QKI: variants seen among roughly 807,000 people sequenced by gnomAD.
QKI encodes KH domain-containing RNA-binding protein QKI.
Under a neutral mutation model 39.0 loss-of-function variants are expected in QKI, and 10 were observed. The observed-to-expected ratio is 0.26, with a 90% CI of 0.16 to 0.43. The LOEUF (loss-of-function observed/expected upper bound fraction) is 0.43. Ranked by LOEUF, QKI falls within the 20% of genes least tolerant of loss-of-function variation. The probability of loss-of-function intolerance (pLI) is 1.00; values close to 1 mark genes in which losing one functional copy is unlikely to be tolerated. For synonymous variants in QKI, 204 were observed against 155.4 expected (o/e 1.31, Z -2.33); for missense variants, 218 against 428.0 (o/e 0.51, Z 4.33).
Position 163,476,735 on chromosome 6 carries a change from G to A in QKI, c.286-2045G>A, listed in dbSNP as rs572615900. On this transcript the variant is annotated intron_variant, in intron 2 of 7. Transcript: ENST00000361752. ...TGTCCAGTCTCTCTGGAGTTCTGTA[G>A]GGCAAGTTTGCTGCTGATCACATCT... Among the ~76,000 whole-genome samples the A allele has an allele frequency of 1.4e-3, 207 of 152,248 alleles. 1 individual carries two copies. Among genetic ancestry groups the A allele is most frequent in the African/African-American group, 4.8e-3 (201 of 41,526 alleles).
At chr6:163,430,415 TTATCTG>T (rs1246018783) in intron 1 of QKI, among the ~76,000 whole-genome samples, 1 of 152,164 alleles carries the variant, frequency 6.6e-6, no homozygotes, top group African/African-American at 2.4e-5. Flanking sequence ...TAACTATTGT[TTATCTG>T]TATGCTTAAT....
chr6:163,549,870 CT>C (rs35084088), intron 4 of QKI, among the ~76,000 whole-genome samples: 1 of 152,156 alleles, frequency 6.6e-6, no homozygotes, highest in East Asian at 1.9e-4. Context: ...TAACACACTA[CT>C]TTTTTAACAG....
chr6:163,459,015 G>A (rs1791147023), intron 2 of QKI, among the ~76,000 whole-genome samples: 1 of 152,182 alleles, frequency 6.6e-6, no homozygotes, highest in African/African-American at 2.4e-5. Flanking sequence ...AAACTGGGTG[G>A]CTTAAAAATA....
At chr6:163,549,954 A>G (rs1782124773) in intron 4 of QKI, among the ~76,000 whole-genome samples, 1 of 152,194 alleles carries the variant, frequency 6.6e-6, no homozygotes, top group Admixed American at 6.5e-5. Context: ...ACCTAATTGT[A>G]TACTTTTCAG....
chr6:163,565,397 C>G (rs1353301067), intron 6 of QKI: 2 of 985,816 alleles, frequency 2.0e-6, no homozygotes, highest in African/African-American at 3.5e-5. Flanking sequence ...CAAGATCTCC[C>G]TGATTTTGCC....
intron 3 of QKI, among the ~76,000 whole-genome samples, chr6:163,488,661 A>G (rs1031863343): frequency 2.6e-5 from 4 of 152,180 alleles, no homozygotes; most frequent in African/African-American, 9.6e-5. Context: ...TACTATTTTG[A>G]GGGTATATCC....
intron 3 of QKI, among the ~76,000 whole-genome samples, chr6:163,511,975 C>T (rs962183093): frequency 2.6e-5 from 2 of 76,316 alleles, no homozygotes; most frequent in African/African-American, 6.7e-5. Context: ...ATTAAATTAA[C>T]GATAAAAAAA....
rs747547624 is a variant in QKI, at chr6:163,572,815, A to G, written c.*2105A>G. The G allele has an allele frequency of 6.6e-6, 1 of 151,962 alleles. No homozygotes were observed. Among genetic ancestry groups the G allele is most frequent in the Non-Finnish European group, 1.5e-5 (1 of 68,010 alleles). 9.4% of individuals were successfully genotyped at this position (151,962 alleles called of 1,614,324 possible). A position where few individuals can be genotyped will look rare whatever the true frequency, so the allele number is the denominator to read the frequency against. ...CTCACTTGGAAACCGTTGTCAGTTT[A>G]TTTACTATGCAATAGACATTCATTG... On this transcript the variant is annotated 3_prime_UTR_variant, in exon 8 of 8. Coordinates refer to ENST00000361752, the MANE Select transcript of QKI (RefSeq NM_006775.3).
Position 163,570,933 on chromosome 6 carries a change from C to A in QKI, c.*223C>A. The A allele has an allele frequency of 1.8e-6, 1 of 557,108 alleles. No individual in the cohort carries two copies. The highest frequency in any genetic ancestry group is 3.0e-6 in the Non-Finnish European group (1 of 329,654). The allele number at this position is 557,108 out of a possible 1,614,324, so 34.5% of individuals were successfully genotyped here. On this transcript the variant is annotated 3_prime_UTR_variant, in exon 8 of 8. Coordinates refer to ENST00000361752, the MANE Select transcript of QKI (RefSeq NM_006775.3). ...TTTTCCTGTTTGGGTGAAAGTGGTT[C>A]TAGAAACTGCACTGAATAGTAGTAA...
At chr6:163,430,032 C>G (rs1279776089) in intron 1 of QKI, among the ~76,000 whole-genome samples, 1 of 152,086 alleles carries the variant, frequency 6.6e-6, no homozygotes, top group Non-Finnish European at 1.5e-5. Flanking sequence ...TTTCATCTGG[C>G]TCTTAAAGGA....
Position 163,454,676 on chromosome 6 carries a change from G to A in QKI, c.143-603G>A, listed in dbSNP as rs964426677. Among the ~76,000 whole-genome samples the A allele has an allele frequency of 3.9e-5, 6 of 152,076 alleles. No individual in the cohort carries two copies. In the South Asian group the frequency reaches 1.2e-3, roughly 32 times the overall value. ...CTTACCCCTTCCTTTTTCTCAAGTG[G>A]ATTCCGTCCTTCTTTCTCCCATTAC... On this transcript the variant is annotated intron_variant, in intron 1 of 7. Transcript: ENST00000361752.
At chr6:163,548,762 A>G (rs928883314) in intron 4 of QKI, among the ~76,000 whole-genome samples, 1 of 152,184 alleles carries the variant, frequency 6.6e-6, no homozygotes, top group Non-Finnish European at 1.5e-5. Context: ...GAAGTGAGCC[A>G]GGTTTATTTT....
At chr6:163,533,588 C>T (rs1296247564) in intron 3 of QKI, among the ~76,000 whole-genome samples, 2 of 152,030 alleles carry the variant, frequency 1.3e-5, no homozygotes, top group African/African-American at 2.4e-5. Context: ...TTACAGCAAC[C>T]GCTAACAACC....
At chr6:163,570,408 T>C in intron 7 of QKI, 1 of 982,766 alleles carries the variant, frequency 1.0e-6, no homozygotes, top group Non-Finnish European at 1.2e-6. Flanking sequence ...TATTAGTTGT[T>C]AGTTGTATTT....
chr6:163,570,007 C>T (rs1051835048), intron 7 of QKI: 2 of 986,114 alleles, frequency 2.0e-6, no homozygotes, highest in Non-Finnish European at 2.4e-6. Flanking sequence ...AAGGCCTGGC[C>T]ATTTTCTGGT....
chr6:163,462,780 T>C (rs149421891), intron 2 of QKI, among the ~76,000 whole-genome samples: 5 of 152,298 alleles, frequency 3.3e-5, no homozygotes, highest in East Asian at 1.9e-4. Context: ...GGTACTGATA[T>C]AGCCACAATC....
intron 1 of QKI, among the ~76,000 whole-genome samples, chr6:163,418,034 TTG>T (rs2128206273): frequency 6.6e-6 from 1 of 152,254 alleles, no homozygotes; most frequent in East Asian, 1.9e-4. Context: ...CTTTACCCCT[TTG>T]TGGTTTGTCA....
intron 1 of QKI, among the ~76,000 whole-genome samples, chr6:163,420,768 T>G (rs1475632018): frequency 6.6e-6 from 1 of 152,240 alleles, no homozygotes. Context: ...TATTTTTTAC[T>G]TAACAGAAAA....
At chr6:163,422,770 G>A (rs1395014718) in intron 1 of QKI, among the ~76,000 whole-genome samples, 1 of 152,120 alleles carries the variant, frequency 6.6e-6, no homozygotes, top group Non-Finnish European at 1.5e-5. Context: ...GGTTGGCCCC[G>A]GGATTGAATA....
Sources: allele counts gnomAD v4.1 joint callset (sites outside exome capture counted in the v4.1 genomes callset), GRCh38; gene constraint gnomAD v4.1.1; transcripts MANE v1.5; gene names NCBI Gene and HGNC (gene_info 2026-07-23, HGNC 2026-07-21).